The following MAP2K5 variants were observed in gnomAD, a reference collection of about 807,000 sequenced individuals.
MAP2K5 encodes the protein dual specificity mitogen-activated protein kinase kinase 5.
A neutral mutation model predicts 83.1 loss-of-function variants in MAP2K5; 49 were observed. That is an observed-to-expected ratio of 0.59 (90% CI 0.47 to 0.75). MAP2K5 has a LOEUF of 0.75. Ranked by LOEUF, MAP2K5 falls within the 30% of genes least tolerant of loss-of-function variation. The pLI, the probability that MAP2K5 is intolerant of heterozygous loss-of-function variation, is 0.00. For missense variants in MAP2K5, 457 were observed against 557.5 expected (o/e 0.82, Z 1.82); for synonymous variants, 202 against 191.8 (o/e 1.05, Z -0.44).
chr15:67,618,798 C>T (rs1370232963), intron 8 of MAP2K5, among the ~76,000 whole-genome samples: 2 of 152,148 alleles, frequency 1.3e-5, no homozygotes, highest in South Asian at 2.1e-4. Flanking sequence ...TTTCTTGCTA[C>T]CCTATTCAAA....
At chr15:67,742,096 A>C (rs10444849) in intron 17 of MAP2K5, among the ~76,000 whole-genome samples, 1 of 151,900 alleles carries the variant, frequency 6.6e-6, no homozygotes, top group Non-Finnish European at 1.5e-5. Flanking sequence ...GGGTTTTACC[A>C]TGTTAGCCAG....
At chr15:67,606,776 A>G (rs1379958345) in intron 8 of MAP2K5, among the ~76,000 whole-genome samples, 1 of 152,258 alleles carries the variant, frequency 6.6e-6, no homozygotes, top group Non-Finnish European at 1.5e-5. Context: ...ACTGATGGTC[A>G]TTTGTATAAA....
chr15:67,660,282 G>GTTT (rs149974133), intron 12 of MAP2K5, among the ~76,000 whole-genome samples: 1 of 150,548 alleles, frequency 6.6e-6, no homozygotes, highest in Admixed American at 6.6e-5. Context: ...CCAAAATGTA[G>GTTT]TGTTTTTTTT....
At chr15:67,626,199 G>A (rs758923322) in intron 8 of MAP2K5, among the ~76,000 whole-genome samples, 2 of 152,120 alleles carry the variant, frequency 1.3e-5, no homozygotes, top group East Asian at 1.9e-4. Flanking sequence ...TTGGATTTAC[G>A]TGGAATAAAC....
chr15:67,697,344 G>C (rs2088292159), intron 15 of MAP2K5, among the ~76,000 whole-genome samples: 1 of 152,078 alleles, frequency 6.6e-6, no homozygotes, highest in Non-Finnish European at 1.5e-5. Context: ...CTATGACATA[G>C]GTAATATTAT....
chr15:67,577,093 G>A lies in MAP2K5; in HGVS notation c.253-3661G>A, dbSNP rs985108902. The stretch of plus-strand genomic sequence containing the variant: ...TGGGACTACAGGCGCCCGCCACCGT[G>A]CCCGGCTAATTTTTTGTATTTTTAG... On this transcript the variant is annotated intron_variant, in intron 3 of 21. Transcript: ENST00000178640. The surrounding 1 kb of genome is among the most constrained non-coding windows in gnomAD (Gnocchi z 4.1). Among the ~76,000 whole-genome samples, 36 of 149,594 alleles carry A rather than the reference G, an allele frequency of 2.4e-4. No homozygotes were observed. The highest frequency in any genetic ancestry group is 8.6e-4 in the African/African-American group (35 of 40,922).
chr15:67,589,141 G>T (rs764315758), intron 6 of MAP2K5, among the ~76,000 whole-genome samples: 1 of 152,078 alleles, frequency 6.6e-6, no homozygotes, highest in Non-Finnish European at 1.5e-5. Flanking sequence ...ACCACAGCTG[G>T]CCTTTAAATG....
At chr15:67,675,728 G>A (rs933892584) in intron 13 of MAP2K5, among the ~76,000 whole-genome samples, 2 of 152,170 alleles carry the variant, frequency 1.3e-5, no homozygotes, top group East Asian at 1.9e-4. Flanking sequence ...TCATCTTTCT[G>A]TAGTTACCTG....
intron 9 of MAP2K5, chr15:67,642,447 G>T: frequency 6.2e-7 from 1 of 1,611,662 alleles, no homozygotes; most frequent in Non-Finnish European, 8.5e-7. Flanking sequence ...AAGGCAGAAT[G>T]TACATATTGA....
intron 2 of MAP2K5, among the ~76,000 whole-genome samples, chr15:67,560,481 T>A (rs781341437): frequency 1.3e-5 from 2 of 152,252 alleles, no homozygotes; most frequent in Non-Finnish European, 2.9e-5. Context: ...CAACTATTCA[T>A]CAGTATGCCA....
At chr15:67,682,275 G>A (rs915142631) in intron 13 of MAP2K5, among the ~76,000 whole-genome samples, 4 of 151,106 alleles carry the variant, frequency 2.6e-5, no homozygotes, top group Non-Finnish European at 1.5e-5. Flanking sequence ...GGAGTGCAGT[G>A]GTGTGATCTC....
chr15:67,767,242 C>G (rs959517865), intron 19 of MAP2K5, among the ~76,000 whole-genome samples: 4 of 152,178 alleles, frequency 2.6e-5, no homozygotes, highest in African/African-American at 9.7e-5. Flanking sequence ...TTTTAAATGG[C>G]CTCTTCATCA....
chr15:67,638,285 A>G lies in MAP2K5; in HGVS notation c.585+7358A>G, dbSNP rs1304933674. Among the ~76,000 whole-genome samples, 1 of 152,120 alleles carries G rather than the reference A, an allele frequency of 6.6e-6. No homozygotes were observed. The highest frequency in any genetic ancestry group is 1.9e-4 in the East Asian group (1 of 5,188). The stretch of plus-strand genomic sequence containing the variant: ...TCCCTCTATGTGTCCATGTGTTCTC[A>G]TAAGTTAGCTCCCACTTATAAGTGA... On this transcript the variant is annotated intron_variant, in intron 9 of 21. Coordinates refer to ENST00000178640, the MANE Select transcript of MAP2K5 (RefSeq NM_145160.3). This position sits in a 1 kb window ranked among gnomAD's most constrained non-coding sequence, Gnocchi z 4.5.
intron 16 of MAP2K5, among the ~76,000 whole-genome samples, chr15:67,703,740 CA>C (rs1379503123): frequency 1.3e-5 from 2 of 152,186 alleles, no homozygotes; most frequent in Non-Finnish European, 2.9e-5. Flanking sequence ...GATTCTTATA[CA>C]TACTAAATCT....
chr15:67,666,209 T>G (rs983129592), intron 13 of MAP2K5, among the ~76,000 whole-genome samples: 15 of 152,136 alleles, frequency 9.9e-5, no homozygotes, highest in Non-Finnish European at 2.2e-4. Flanking sequence ...TGTAATGAAA[T>G]CCCTCTCTAG....
At chr15:67,553,740 C>T (rs1383738126) in intron 2 of MAP2K5, among the ~76,000 whole-genome samples, 2 of 151,060 alleles carry the variant, frequency 1.3e-5, no homozygotes, top group East Asian at 1.9e-4. Context: ...GGTGAAACCC[C>T]GTCTCTACTA....
intron 15 of MAP2K5, among the ~76,000 whole-genome samples, chr15:67,694,342 C>T (rs1213142501): frequency 9.9e-5 from 15 of 152,064 alleles, no homozygotes; most frequent in Non-Finnish European, 1.3e-4. Flanking sequence ...ATAATGAAAG[C>T]TCTAAATTTA....
chr15:67,617,086 C>T (rs546122905), intron 8 of MAP2K5, among the ~76,000 whole-genome samples: 9 of 152,238 alleles, frequency 5.9e-5, no homozygotes, highest in African/African-American at 1.7e-4. Flanking sequence ...ATTATACATG[C>T]AATTACGCTC....
Position 67,774,129 on chromosome 15 carries a change from A to G in MAP2K5, c.1242+1377A>G, listed in dbSNP as rs2090193161. Among the ~76,000 whole-genome samples the G allele has an allele frequency of 6.6e-6, 1 of 151,710 alleles. No homozygotes were observed. The highest frequency in any genetic ancestry group is 2.4e-5 in the African/African-American group (1 of 41,216). ...ATCATAAAGACAAGGCTAAAGGGTG[A>G]GTACTTTCAGTGCCTTGAAAGCAAG... On this transcript the variant is annotated intron_variant, in intron 21 of 21. Coordinates refer to ENST00000178640, the MANE Select transcript of MAP2K5 (RefSeq NM_145160.3). This position sits in a 1 kb window ranked among gnomAD's most constrained non-coding sequence, Gnocchi z 4.9.
Sources: gnomAD v4.1 joint callset for allele counts (sites outside exome capture counted in the v4.1 genomes callset) on GRCh38, gnomAD v4.1.1 for gene constraint, Gnocchi (gnomAD v3.1) non-coding constraint, MANE v1.5 for transcripts, NCBI Gene and HGNC (gene_info 2026-07-23, HGNC 2026-07-21) for gene names.